The following KCTD8 variants were observed in gnomAD, a reference collection of about 807,000 sequenced individuals.
KCTD8 encodes the protein potassium channel tetramerization domain containing 8, also known as BTB/POZ domain-containing protein KCTD8.
A neutral mutation model predicts 31.5 loss-of-function variants in KCTD8; 27 were observed. The observed-to-expected ratio is 0.86, with a 90% CI of 0.63 to 1.18. KCTD8 has a LOEUF of 1.18. Among genes scored for constraint, KCTD8 ranks in the 50% most tolerant of loss-of-function variants. KCTD8 has a pLI of 0.00. For synonymous variants in KCTD8, 290 were observed against 280.0 expected (o/e 1.04, Z -0.36); for missense variants, 658 against 647.7 (o/e 1.02, Z -0.17).
intron 1 of KCTD8, among the ~76,000 whole-genome samples, chr4:44,381,609 G>A (rs1720068125): frequency 6.6e-6 from 1 of 152,010 alleles, no homozygotes; most frequent in African/African-American, 2.4e-5. Context: ...ATGTCATGTC[G>A]AAATGGGATT....
chr4:44,447,391 A>C (rs1577675998), intron 1 of KCTD8, among the ~76,000 whole-genome samples, 172 bp downstream of exon 1: 1 of 152,290 alleles, frequency 6.6e-6, no homozygotes, highest in Non-Finnish European at 1.5e-5. Flanking sequence ...GAATCGGTGA[A>C]ATGTAAATCG....
intron 1 of KCTD8, among the ~76,000 whole-genome samples, chr4:44,213,104 T>C (rs900846717): frequency 3.3e-5 from 5 of 151,892 alleles, no homozygotes; most frequent in Non-Finnish European, 7.4e-5. Context: ...TGCCCGCTAA[T>C]TTTTTGTATT....
In KCTD8 at chr4:44,247,865, G is replaced by A. The variant is rs75771247; in HGVS notation, c.962-72615C>T. Among the ~76,000 whole-genome samples, 1,070 of 151,854 alleles carry A rather than the reference G, an allele frequency of 7.0e-3. 11 individuals are homozygous for A. Among genetic ancestry groups the A allele is most frequent in the African/African-American group, 0.025 (1,019 of 41,454 alleles). On this transcript the variant is annotated intron_variant, in intron 1 of 1. Coordinates refer to ENST00000360029, the MANE Select transcript of KCTD8 (RefSeq NM_198353.3). ...CATTTTCATCCATTCATCGATCAAC[G>A]GATGTTTAGGTTGTTTCCTTGGCTT...
Position 44,199,077 on chromosome 4 carries a change from G to A in KCTD8, c.962-23827C>T, listed in dbSNP as rs537109903. 3.4e-4 allele frequency among the ~76,000 whole-genome samples: 51 copies of A among 152,140 alleles called. No individual in the cohort carries two copies. In the Middle Eastern group the frequency reaches 0.014, roughly 41 times the overall value. On this transcript the variant is annotated intron_variant, in intron 1 of 1. Transcript: ENST00000360029. ...GAAGGGCATTATATAATAAAAAAAGGTTCACTTCAACTAGAAGACTTAACT... is the reference window on the plus strand; with the variant it reads ...GAAGGGCATTATATAATAAAAAAAGATTCACTTCAACTAGAAGACTTAACT...
At chr4:44,350,186 C>A (rs946366518) in intron 1 of KCTD8, among the ~76,000 whole-genome samples, 1 of 152,162 alleles carries the variant, frequency 6.6e-6, no homozygotes, top group African/African-American at 2.4e-5. Context: ...ATGTCTCATA[C>A]TTTCCTGCCT....
At chr4:44,384,967 AG>A (rs1414010803) in intron 1 of KCTD8, among the ~76,000 whole-genome samples, 3 of 150,930 alleles carry the variant, frequency 2.0e-5, no homozygotes, top group Non-Finnish European at 4.4e-5. Flanking sequence ...AAAATATAAT[AG>A]ATGAGAAGAA....
intron 1 of KCTD8, among the ~76,000 whole-genome samples, chr4:44,385,460 T>G (rs748142828): frequency 9.2e-5 from 14 of 151,764 alleles, no homozygotes; most frequent in Admixed American, 2.0e-4. Context: ...GAATGCAAAG[T>G]GTTTTCAACA....
chr4:44,207,270 G>A (rs1714342372), intron 1 of KCTD8, among the ~76,000 whole-genome samples: 1 of 152,192 alleles, frequency 6.6e-6, no homozygotes, highest in African/African-American at 2.4e-5. Flanking sequence ...GAAGTTATAT[G>A]AATGTTAAAC....
chr4:44,447,220 G>A (rs969993856), intron 1 of KCTD8, among the ~76,000 whole-genome samples: 1 of 152,242 alleles, frequency 6.6e-6, no homozygotes, highest in East Asian at 1.9e-4. Flanking sequence ...ACCCTGCCCT[G>A]TGCCCCAGTC....
At position 44,353,661 on chromosome 4, in the gene KCTD8, C is replaced by T. The variant is rs770387846; in HGVS notation, c.961+93902G>A. ...CCTCTGGTCACCATCATTCTACTGT[C>T]TCCACTAGTTCAATATTTTTACCTC... On this transcript the variant is annotated intron_variant, in intron 1 of 1. Coordinates refer to ENST00000360029, the MANE Select transcript of KCTD8 (RefSeq NM_198353.3). Among the ~76,000 whole-genome samples, 8 of 152,184 alleles carry T rather than the reference C, an allele frequency of 5.3e-5. No homozygotes were observed. The South Asian group carries it at 8.3e-4, about 16-fold the overall frequency.
chr4:44,440,027 G>A (rs1241647451), intron 1 of KCTD8, among the ~76,000 whole-genome samples: 2 of 151,872 alleles, frequency 1.3e-5, no homozygotes, highest in Non-Finnish European at 2.9e-5. Context: ...TGCCTCCTGG[G>A]TTCAAGCAAT....
intron 1 of KCTD8, among the ~76,000 whole-genome samples, chr4:44,392,258 A>G (rs1720393753): frequency 6.6e-6 from 1 of 151,962 alleles, no homozygotes. Context: ...AATGTAGGAG[A>G]TAGAATTAGT....
intron 1 of KCTD8, among the ~76,000 whole-genome samples, chr4:44,438,903 C>G (rs1721748220): frequency 6.6e-6 from 1 of 152,156 alleles, no homozygotes; most frequent in Non-Finnish European, 1.5e-5. Flanking sequence ...TTATTTGATC[C>G]TCATAACAAA....
At chr4:44,370,125 C>A (rs553505253) in intron 1 of KCTD8, among the ~76,000 whole-genome samples, 6 of 152,200 alleles carry the variant, frequency 3.9e-5, no homozygotes, top group South Asian at 2.1e-4. Context: ...AGGAAATATT[C>A]TTTTTATGAA....
At chr4:44,233,010 A>G (rs890395472) in intron 1 of KCTD8, among the ~76,000 whole-genome samples, 5 of 152,140 alleles carry the variant, frequency 3.3e-5, no homozygotes, top group African/African-American at 1.2e-4. Flanking sequence ...GTATACAATG[A>G]ACTATTTGAT....
chr4:44,364,315 C>A lies in KCTD8; in HGVS notation c.961+83248G>T, dbSNP rs372104335. Among the ~76,000 whole-genome samples the A allele has an allele frequency of 1.4e-3, 209 of 152,080 alleles. 1 individual carries two copies. The highest frequency in any genetic ancestry group is 9.3e-3 in the South Asian group (45 of 4,826). On this transcript the variant is annotated intron_variant, in intron 1 of 1. Coordinates refer to ENST00000360029, the MANE Select transcript of KCTD8 (RefSeq NM_198353.3). ...CCACACACACAAATATTACAGATGG[C>A]AAATAAGCAGATGAAAAGTGGCTCA... is the stretch of plus-strand genomic sequence containing the variant.
chr4:44,346,986 T>A (rs1719052801), intron 1 of KCTD8, among the ~76,000 whole-genome samples: 1 of 152,170 alleles, frequency 6.6e-6, no homozygotes. Context: ...AAGCATTGTC[T>A]AGAGTTCTTC....
At chr4:44,431,271 C>A (rs1721495605) in intron 1 of KCTD8, among the ~76,000 whole-genome samples, 2 of 151,532 alleles carry the variant, frequency 1.3e-5, no homozygotes, top group Admixed American at 1.3e-4. Flanking sequence ...ATAATTATTT[C>A]TTCAGTTTCT....
At chr4:44,397,602 T>G (rs1720539085) in intron 1 of KCTD8, among the ~76,000 whole-genome samples, 1 of 152,196 alleles carries the variant, frequency 6.6e-6, no homozygotes, top group Non-Finnish European at 1.5e-5. Flanking sequence ...ATTACTGGAA[T>G]GTCAACTGCA....
Sources: gnomAD v4.1 joint callset for allele counts (sites outside exome capture counted in the v4.1 genomes callset) on GRCh38, gnomAD v4.1.1 for gene constraint, MANE v1.5 for transcripts, NCBI Gene and HGNC (gene_info 2026-07-23, HGNC 2026-07-21) for gene names.